Variants in ATP13A1 observed in about 807,000 individuals in gnomAD.
ATP13A1 encodes ATPase 13A1.
In ATP13A1, 55 loss-of-function variants were observed where a neutral mutation model predicts 134.8. That is an observed-to-expected ratio of 0.41 (90% CI 0.33 to 0.51). ATP13A1 has a LOEUF of 0.51. ATP13A1 is among the 20% of genes least tolerant of loss of function. The pLI is 0.29. For synonymous variants in ATP13A1, 775 were observed against 725.1 expected (o/e 1.07, Z -1.10); for missense variants, 1,389 against 1,652.8 (o/e 0.84, Z 2.77).
At chr19:19,652,044 C>T (rs966313389) in intron 16 of ATP13A1, among the ~76,000 whole-genome samples, 19 of 152,088 alleles carry the variant, frequency 1.2e-4, no homozygotes, top group African/African-American at 4.6e-4. Context: ...AATGAACAAC[C>T]TGCCCCTGAG....
rs996239495 is a variant in ATP13A1, at chr19:19,645,330, G to C, written c.*92C>G. 28 of 1,354,330 alleles carry C rather than the reference G, an allele frequency of 2.1e-5. No homozygotes were observed. In the African/African-American group the frequency reaches 3.3e-4, roughly 16 times the overall value. The allele number at this position is 1,354,330 out of a possible 1,614,324, so 83.9% of individuals were successfully genotyped here. A position where few individuals can be genotyped will look rare whatever the true frequency, so the allele number is the denominator to read the frequency against. On this transcript the variant is annotated 3_prime_UTR_variant, in exon 26 of 26. Transcript: ENST00000357324. The surrounding 1 kb of genome is among the most constrained non-coding windows in gnomAD (Gnocchi z 4.1). ...GGGCGAGACTGTACAGCCTTGCTGTGGGGGGTTGGGGGCAGGGTTCCCTCC... is the reference window on the plus strand; with the variant it reads ...GGGCGAGACTGTACAGCCTTGCTGTCGGGGGTTGGGGGCAGGGTTCCCTCC...
chr19:19,646,336 G>T lies in ATP13A1; in HGVS notation c.3117C>A (p.Thr1039=). Residue 1039 remains threonine, a synonymous_variant, in exon 23 of 26, where the codon ACC becomes ACA. Transcript: ENST00000357324. The part of the protein sequence containing the change: ...LFISRSKPLK[T]LSRERPLPNI... ...TGGGCAGGGGCCGTTCTCGGGAGAG[G>T]GTCTTGAGGGGCTGCAGCAGCAAGG... 3.7e-6 allele frequency: 6 copies of T among 1,613,802 alleles called. No individual in the cohort carries two copies. Among genetic ancestry groups the T allele is most frequent in the South Asian group, 1.1e-5 (1 of 91,078 alleles).
In ATP13A1 at chr19:19,657,113, A is replaced by C. The variant is rs767783845; in HGVS notation, c.787T>G (p.Trp263Gly). 6.6e-7 allele frequency: 1 copy of C among 1,518,900 alleles called. No homozygotes were observed. Among genetic ancestry groups the C allele is most frequent in the South Asian group, 1.3e-5 (1 of 75,144 alleles). The allele number at this position is 1,518,900 out of a possible 1,614,324, so 94.1% of individuals were successfully genotyped here. A position where few individuals can be genotyped will look rare whatever the true frequency, so the allele number is the denominator to read the frequency against. The change falls in exon 5 of 26, where the codon TGG (tryptophan) becomes GGG (glycine). Residue 263 changes from tryptophan (W) to glycine (G), a missense_variant. Trp to Gly is a radical substitution (Grantham distance 184, BLOSUM62 -2). Transcript: ENST00000357324. ...CVGLWCLDEYWYYSVFTLSML... is the reference protein window; with the variant it reads ...CVGLWCLDEYGYYSVFTLSML... ...GATAGCGTAAAGACGCTGTAGTACCAGTACTCATCCAGGCACCAGAGCCCC... is the reference window on the plus strand; with the variant it reads ...GATAGCGTAAAGACGCTGTAGTACCCGTACTCATCCAGGCACCAGAGCCCC...
At chr19:19,659,122 G>A (rs1303523308) in intron 3 of ATP13A1, among the ~76,000 whole-genome samples, 1 of 152,026 alleles carries the variant, frequency 6.6e-6, no homozygotes, top group Admixed American at 6.6e-5. Context: ...AGAGCATGTT[G>A]CTCAAGCGGC....
Position 19,653,962 on chromosome 19 carries a change from A to T in ATP13A1, c.1989+7T>A. 6.3e-7 allele frequency: 1 copy of T among 1,589,952 alleles called. No homozygotes were observed. The highest frequency in any genetic ancestry group is 8.6e-7 in the Non-Finnish European group (1 of 1,168,852). On this transcript the variant is annotated splice_region_variant and intron_variant, in intron 14 of 25. Coordinates refer to ENST00000357324, the MANE Select transcript of ATP13A1 (RefSeq NM_020410.3). This position sits in a 1 kb window ranked among gnomAD's most constrained non-coding sequence, Gnocchi z 4.2. Reference sequence around the variant, plus strand: ...CCACCCCTTGCCCCAGGCTGGGGCCAGCTCACCATGGAGTGCAGAGTTTCG... The same window carrying T: ...CCACCCCTTGCCCCAGGCTGGGGCCTGCTCACCATGGAGTGCAGAGTTTCG...
Position 19,647,217 on chromosome 19 carries a change from T to C in ATP13A1, c.3017A>G (p.Tyr1006Cys). The stretch of plus-strand genomic sequence containing the variant: ...GTCACTGAACTTGACTCCCTCCAGG[T>C]AGAGGACGCTCTGGCTGTAGGCCAG... ...LILAYSQSVL[Y>C]LEGVKFSDFQ... Residue 1006 changes from tyrosine to cysteine, a missense_variant, in exon 22 of 26, where the codon TAC becomes TGC. Transcript: ENST00000357324. The surrounding 1 kb of genome is among the most constrained non-coding windows in gnomAD (Gnocchi z 4.8). 5 of 1,613,900 alleles carry C rather than the reference T, an allele frequency of 3.1e-6. No homozygotes were observed. Among genetic ancestry groups the C allele is most frequent in the Non-Finnish European group, 4.2e-6 (5 of 1,179,878 alleles).
intron 3 of ATP13A1, among the ~76,000 whole-genome samples, chr19:19,659,363 G>A (rs1169644563): frequency 6.6e-6 from 1 of 152,168 alleles, no homozygotes; most frequent in East Asian, 1.9e-4. Flanking sequence ...GGTTGAGGCA[G>A]GAGAATCACT....
chr19:19,655,309 C>T lies in ATP13A1; in HGVS notation c.1534+7G>A, dbSNP rs1159008374. ...ACTCGGCACCCCATCCCATTTGACA[C>T]ACTCACAGAGCTTGGCCAGGGCGAT... is the stretch of plus-strand genomic sequence containing the variant. On this transcript the variant is annotated splice_region_variant and intron_variant, in intron 11 of 25. Transcript: ENST00000357324. This position sits in a 1 kb window ranked among gnomAD's most constrained non-coding sequence, Gnocchi z 5.7. The T allele has an allele frequency of 1.9e-6, 3 of 1,613,970 alleles. No homozygotes were observed. The highest frequency in any genetic ancestry group is 1.1e-5 in the South Asian group (1 of 91,088).
Position 19,656,375 on chromosome 19 carries a change from G to A in ATP13A1, c.1084-192C>T, listed in dbSNP as rs550650084. ...TCTCCCCATTGCACTCACAGTGCCT[G>A]CTCTCTGGGGCCTGCACTTGGCCTC... On this transcript the variant is annotated intron_variant, in intron 7 of 25. Transcript: ENST00000357324. The surrounding 1 kb of genome is among the most constrained non-coding windows in gnomAD (Gnocchi z 4.6). 3.9e-5 allele frequency among the ~76,000 whole-genome samples: 6 copies of A among 152,216 alleles called. No individual in the cohort carries two copies. In the East Asian group the frequency reaches 9.7e-4, roughly 25 times the overall value.
Position 19,662,044 on chromosome 19 carries a change from T to C in ATP13A1, c.396+1227A>G, listed in dbSNP as rs375952066. ...GAAACTCAGAGAGCAGAAGCGGCCCTTTCTGAGATCTGAATCAAACCCAGA... is the reference window on the plus strand; with the variant it reads ...GAAACTCAGAGAGCAGAAGCGGCCCCTTCTGAGATCTGAATCAAACCCAGA... On this transcript the variant is annotated intron_variant, in intron 1 of 25. Transcript: ENST00000357324. The C allele has an allele frequency of 5.6e-5, 88 of 1,564,814 alleles. No individual in the cohort carries two copies. The African/African-American group carries it at 1.0e-3, about 18-fold the overall frequency.
At chr19:19,648,585 C>T (rs1417767673) in intron 19 of ATP13A1, among the ~76,000 whole-genome samples, 1 of 150,240 alleles carries the variant, frequency 6.7e-6, no homozygotes. Context: ...AACACAGGCG[C>T]ATCATCTGAA....
At chr19:19,646,777 G>A (rs1008772136) in intron 22 of ATP13A1, 6 of 382,530 alleles carry the variant, frequency 1.6e-5, no homozygotes, top group Admixed American at 8.1e-5. Context: ...CCTGAGTGTC[G>A]GTGTCGCACA....
At position 19,654,667 on chromosome 19, in the gene ATP13A1, G is replaced by T; in HGVS notation, c.1689C>A (p.Ile563=). Reference sequence around the variant, plus strand: ...CCAGGGCCCGGTGTGTTTCTACAGGGATGCTGGACACTGGGGTCACCTCCT... The same window carrying T: ...CCAGGGCCCGGTGTGTTTCTACAGGTATGCTGGACACTGGGGTCACCTCCT... ...DGKEVTPVSS[I]PVETHRALAS... Residue 563 remains isoleucine (I), a synonymous_variant, in exon 13 of 26, where the codon ATC becomes ATA. Coordinates refer to ENST00000357324, the MANE Select transcript of ATP13A1 (RefSeq NM_020410.3). 1 of 1,613,368 alleles carries T rather than the reference G, an allele frequency of 6.2e-7. No individual in the cohort carries two copies. Among genetic ancestry groups the T allele is most frequent in the Non-Finnish European group, 8.5e-7 (1 of 1,179,816 alleles).
At position 19,647,008 on chromosome 19, in the gene ATP13A1, T is replaced by C. The variant is rs2061990649; in HGVS notation, c.3105+121A>G. ...CCAGCATTTCCTGAGCCATCCCAGC[T>C]ACAGCCCCCATCTCTGGGGCCCTGG... On this transcript the variant is annotated intron_variant, in intron 22 of 25. Coordinates refer to ENST00000357324, the MANE Select transcript of ATP13A1 (RefSeq NM_020410.3). The surrounding 1 kb of genome is among the most constrained non-coding windows in gnomAD (Gnocchi z 4.8). The C allele has an allele frequency of 8.9e-7, 1 of 1,119,932 alleles. No individual in the cohort carries two copies. 69.4% of individuals were successfully genotyped at this position (1,119,932 alleles called of 1,614,324 possible). A position where few individuals can be genotyped will look rare whatever the true frequency, so the allele number is the denominator to read the frequency against.
intron 1 of ATP13A1, 28 bp from the exon 2 acceptor site, chr19:19,660,015 C>A (rs1382671695): frequency 3.0e-5 from 46 of 1,540,650 alleles, no homozygotes; most frequent in Non-Finnish European, 3.9e-5. Context: ...AGCATTGTGG[C>A]TTAGCTCTTC....
Position 19,645,634 on chromosome 19 carries a change from C to A in ATP13A1, c.3504+13G>T, listed in dbSNP as rs749826991. 3 of 1,565,144 alleles carry A rather than the reference C, an allele frequency of 1.9e-6. No homozygotes were observed. Among genetic ancestry groups the A allele is most frequent in the Non-Finnish European group, 2.6e-6 (3 of 1,154,996 alleles). On this transcript the variant is annotated intron_variant, in intron 25 of 25. Transcript: ENST00000357324. The surrounding 1 kb of genome is among the most constrained non-coding windows in gnomAD (Gnocchi z 4.1). ...AAGCTGAGCCCCAGGGTCACCTCCACAGGGCCACTGACCTCCACAGGGATG... is the reference window on the plus strand; with the variant it reads ...AAGCTGAGCCCCAGGGTCACCTCCAAAGGGCCACTGACCTCCACAGGGATG...
In ATP13A1 at chr19:19,657,342, T is replaced by C; in HGVS notation, c.744A>G (p.Val248=). 1 of 1,570,650 alleles carries C rather than the reference T, an allele frequency of 6.4e-7. No homozygotes were observed. Among genetic ancestry groups the C allele is most frequent in the East Asian group, 2.3e-5 (1 of 42,580 alleles). Residue 248 remains valine, a synonymous_variant, in exon 4 of 26, where the codon GTA becomes GTG. Transcript: ENST00000357324. Reference sequence around the variant, plus strand: ...GCCAGAGCTGCTGCTTTACCTGAAATACAAAGAAGGGGGCTGTGGCTCTCT... The same window carrying C: ...GCCAGAGCTGCTGCTTTACCTGAAACACAAAGAAGGGGGCTGTGGCTCTCT... ...FKERATAPFF[V]FQVFCVGLWC...
At chr19:19,660,252 T>C (rs2062085890) in intron 1 of ATP13A1, among the ~76,000 whole-genome samples, 4 of 151,946 alleles carry the variant, frequency 2.6e-5, no homozygotes, top group African/African-American at 2.4e-5. Context: ...GAGGCCAAGG[T>C]GGGCGGATCA....
rs1051767124 is a variant in ATP13A1, at chr19:19,645,842, C to T, written c.3360+32G>A. ...CATGGGGTGGGGCTGGGTGGGCAGA[C>T]AGTGAATGTTTGGGCAGGGCCCAGG... On this transcript the variant is annotated intron_variant, in intron 24 of 25. Coordinates refer to ENST00000357324, the MANE Select transcript of ATP13A1 (RefSeq NM_020410.3). This position sits in a 1 kb window ranked among gnomAD's most constrained non-coding sequence, Gnocchi z 4.1. 1.9e-5 allele frequency: 31 copies of T among 1,612,208 alleles called. No homozygotes were observed. Among genetic ancestry groups the T allele is most frequent in the Non-Finnish European group, 2.5e-5 (30 of 1,179,072 alleles).
Sources: gnomAD v4.1 joint callset for allele counts (sites outside exome capture counted in the v4.1 genomes callset) on GRCh38, gnomAD v4.1.1 for gene constraint, Gnocchi (gnomAD v3.1) non-coding constraint, MANE v1.5 for transcripts, NCBI Gene and HGNC (gene_info 2026-07-23, HGNC 2026-07-21) for gene names.